The following POP1 variants were observed in gnomAD, a reference collection of about 807,000 sequenced individuals.
POP1 encodes ribonucleases P/MRP protein subunit POP1.
A neutral mutation model predicts 102.2 loss-of-function variants in POP1; 75 were observed. The ratio of observed to expected loss-of-function variants is 0.73; its 90% CI spans 0.61 to 0.89. POP1 has a LOEUF of 0.89. POP1 is among the 40% of genes least tolerant of loss of function. The pLI, the probability that POP1 is intolerant of heterozygous loss-of-function variation, is 0.00. For missense variants in POP1, 1,116 were observed against 1,267.4 expected (o/e 0.88, Z 1.81); for synonymous variants, 436 against 464.1 (o/e 0.94, Z 0.78).
In POP1 at chr8:98,158,167, C is replaced by T; in HGVS notation, c.2971C>T (p.Leu991=). 1 of 1,610,306 alleles carries T rather than the reference C, an allele frequency of 6.2e-7. No individual in the cohort carries two copies. The highest frequency in any genetic ancestry group is 8.5e-7 in the Non-Finnish European group (1 of 1,179,002). ...GGGGTTTGTTAGCTTGACAGGCTTG[C>T]TGGATATGCTGTCCAGCCAGCCTGC... ...ALGFVSLTGL[L]DMLSSQPAAQ... is the part of the protein sequence containing the mutation. Residue 991 remains leucine, a synonymous_variant, in exon 16 of 16, where the codon CTG becomes TTG. Coordinates refer to ENST00000401707, the MANE Select transcript of POP1 (RefSeq NM_001145860.2).
intron 15 of POP1, 80 bp downstream of exon 15, chr8:98,156,492 C>T: frequency 6.4e-7 from 1 of 1,560,632 alleles, no homozygotes; most frequent in Non-Finnish European, 8.7e-7. Context: ...AGCGTTATCA[C>T]TGTTTGTTTA....
chr8:98,150,045 AC>A lies in POP1; in HGVS notation c.1903-439del, dbSNP rs1809477321. On this transcript the variant is annotated intron_variant, in intron 13 of 15. Transcript: ENST00000401707. The stretch of plus-strand genomic sequence containing the variant: ...CCCGCCATCCGGCTTAAGAAATATA[AC>A]ATTACAGATGCATTGATGCACCCTG... 6.6e-5 allele frequency among the ~76,000 whole-genome samples: 10 copies of A among 152,302 alleles called. No homozygotes were observed. In the South Asian group the frequency reaches 2.1e-3, roughly 32 times the overall value.
At position 98,157,844 on chromosome 8, in the gene POP1, TC is replaced by T. The variant is rs1209314821; in HGVS notation, c.2650del (p.Leu884SerfsTer26). The T allele has an allele frequency of 1.2e-6, 2 of 1,614,136 alleles. No homozygotes were observed. The highest frequency in any genetic ancestry group is 1.7e-6 in the Non-Finnish European group (2 of 1,179,970). Reference sequence around the variant, plus strand: ...ATCTGTGTCCCAGCCAAGGAGGACTTCCTCCAGCTCCATGAGGACTGGCATT... The same window carrying T: ...ATCTGTGTCCCAGCCAAGGAGGACTTCTCCAGCTCCATGAGGACTGGCATT... ...TMICVPAKEDFLQLHEDWHYC... is the reference protein window; with the variant it reads ...TMICVPAKEDXLQLHEDWHYC... On this transcript the variant is annotated frameshift_variant, in exon 16 of 16. Coordinates refer to ENST00000401707, the MANE Select transcript of POP1 (RefSeq NM_001145860.2). LOFTEE classifies it low-confidence loss of function (END_TRUNC).
At position 98,158,465 on chromosome 8, in the gene POP1, G is replaced by C; in HGVS notation, c.*194G>C. Reference sequence around the variant, plus strand: ...ATGTCATTGATTTTCATCTTTCCCTGTCCTTGCTGTAATACTTTTAAATTA... The same window carrying C: ...ATGTCATTGATTTTCATCTTTCCCTCTCCTTGCTGTAATACTTTTAAATTA... On this transcript the variant is annotated 3_prime_UTR_variant, in exon 16 of 16. Transcript: ENST00000401707. 1 of 646,556 alleles carries C rather than the reference G, an allele frequency of 1.5e-6. No individual in the cohort carries two copies. 40.1% of individuals were successfully genotyped at this position (646,556 alleles called of 1,614,324 possible). A position where few individuals can be genotyped will look rare whatever the true frequency, so the allele number is the denominator to read the frequency against.
intron 9 of POP1, among the ~76,000 whole-genome samples, chr8:98,138,327 A>G (rs1257880259): frequency 1.3e-5 from 2 of 152,054 alleles, no homozygotes; most frequent in East Asian, 1.9e-4. Flanking sequence ...TCACCCTTCT[A>G]CACTTCAGCC....
chr8:98,158,517 C>T lies in POP1; in HGVS notation c.*246C>T, dbSNP rs1191320565. ...TTGGCCAAAAGCTTTGTATTATGAT[C>T]TCTTGGTCTGTGTAGTTGTGGCTGA... On this transcript the variant is annotated 3_prime_UTR_variant, in exon 16 of 16. Coordinates refer to ENST00000401707, the MANE Select transcript of POP1 (RefSeq NM_001145860.2). 2.0e-6 allele frequency: 1 copy of T among 496,814 alleles called. No homozygotes were observed. Among genetic ancestry groups the T allele is most frequent in the African/African-American group, 1.9e-5 (1 of 51,422 alleles). The allele number at this position is 496,814 out of a possible 1,614,324, so 30.8% of individuals were successfully genotyped here. A position where few individuals can be genotyped will look rare whatever the true frequency, so the allele number is the denominator to read the frequency against.
chr8:98,142,147 C>T (rs1208469162), intron 11 of POP1, among the ~76,000 whole-genome samples: 1 of 152,132 alleles, frequency 6.6e-6, no homozygotes, highest in East Asian at 1.9e-4. Flanking sequence ...ATAAACTCTA[C>T]TTAGTTTCTC....
At chr8:98,121,110 A>G (rs1326557281) in intron 1 of POP1, among the ~76,000 whole-genome samples, 4 of 152,212 alleles carry the variant, frequency 2.6e-5, no homozygotes, top group Non-Finnish European at 4.4e-5. Flanking sequence ...TCTCACAGCA[A>G]CTTGTAGAGG....
intron 6 of POP1, 96 bp from the exon 7 acceptor site, chr8:98,134,376 C>A: frequency 7.7e-7 from 1 of 1,299,276 alleles, no homozygotes; most frequent in Non-Finnish European, 1.1e-6. Context: ...CTTCACCTCT[C>A]ATGGAGGCAG....
At chr8:98,145,884 T>C (rs28547554) in intron 11 of POP1, among the ~76,000 whole-genome samples, 20,317 of 151,764 alleles carry the variant, frequency 0.13, 1,473 homozygotes, top group Middle Eastern at 0.26. Context: ...CCAGCCTGGG[T>C]GACAGAGCAA....
intron 13 of POP1, among the ~76,000 whole-genome samples, chr8:98,149,663 A>C (rs541371948): frequency 6.6e-6 from 1 of 152,322 alleles, no homozygotes; most frequent in South Asian, 2.1e-4. Flanking sequence ...AGGCTGAGGC[A>C]TAAGAATCCC....
At chr8:98,145,289 C>A (rs1816813781) in intron 11 of POP1, among the ~76,000 whole-genome samples, 1 of 152,202 alleles carries the variant, frequency 6.6e-6, no homozygotes, top group South Asian at 2.1e-4. Flanking sequence ...GGCCCAGTTG[C>A]TTCCAACTTA....
intron 14 of POP1, among the ~76,000 whole-genome samples, chr8:98,155,739 C>T (rs1041615372): frequency 1.3e-5 from 2 of 151,508 alleles, no homozygotes; most frequent in African/African-American, 4.9e-5. Context: ...CTCCACCATG[C>T]CCGGCTAATT....
At chr8:98,154,071 G>A (rs1184017719) in intron 14 of POP1, among the ~76,000 whole-genome samples, 1 of 152,212 alleles carries the variant, frequency 6.6e-6, no homozygotes, top group Non-Finnish European at 1.5e-5. Context: ...AGGGGAGAGA[G>A]GCTGTTGGAG....
At chr8:98,125,459 T>A (rs1027482659) in intron 2 of POP1, among the ~76,000 whole-genome samples, 2 of 152,178 alleles carry the variant, frequency 1.3e-5, no homozygotes, top group Non-Finnish European at 2.9e-5. Context: ...GTGCTGGGAT[T>A]ACAGGCGTGA....
intron 6 of POP1, 68 bp downstream of exon 6, chr8:98,134,104 C>T: frequency 1.7e-6 from 2 of 1,165,184 alleles, no homozygotes; most frequent in Non-Finnish European, 2.6e-6. Context: ...AAAGAAGTGT[C>T]TACTGTAAGC....
chr8:98,154,107 A>G (rs1809587074), intron 14 of POP1, among the ~76,000 whole-genome samples: 1 of 152,200 alleles, frequency 6.6e-6, no homozygotes, highest in Non-Finnish European at 1.5e-5. Flanking sequence ...AATTGTAAGC[A>G]GTTTCTGGGA....
At chr8:98,156,918 T>C (rs936762866) in intron 15 of POP1, among the ~76,000 whole-genome samples, 4 of 151,148 alleles carry the variant, frequency 2.6e-5, no homozygotes, top group African/African-American at 9.7e-5. Context: ...TTTTTTTTTT[T>C]TGAGATGGAG....
intron 2 of POP1, among the ~76,000 whole-genome samples, chr8:98,125,835 T>A (rs531211100): frequency 1.3e-5 from 2 of 151,860 alleles, no homozygotes; most frequent in South Asian, 4.2e-4. Context: ...CTACTGTGCC[T>A]GGCTGGAAAT....
Sources: allele counts gnomAD v4.1 joint callset (sites outside exome capture counted in the v4.1 genomes callset), GRCh38; gene constraint gnomAD v4.1.1; transcripts MANE v1.5; gene names NCBI Gene and HGNC (gene_info 2026-07-23, HGNC 2026-07-21).